Variants in DEFB116 observed in about 807,000 individuals in gnomAD.
DEFB116 encodes the protein beta-defensin 116.
In DEFB116, 5 loss-of-function variants were observed where a neutral mutation model predicts 2.8. The ratio of observed to expected loss-of-function variants is 1.80; its 90% CI spans 0.94 to 3.79. The LOEUF is 3.79. Among genes scored for constraint, DEFB116 ranks in the 30% most tolerant of loss-of-function variants. The pLI is 0.00. For missense variants in DEFB116, 170 were observed against 118.0 expected (o/e 1.44, Z -2.04); for synonymous variants, 56 against 40.8 (o/e 1.37, Z -1.42).
At chr20:31,306,098 A>C (rs2122449930) in intron 1 of DEFB116, among the ~76,000 whole-genome samples, 1 of 152,228 alleles carries the variant, frequency 6.6e-6, no homozygotes, top group Non-Finnish European at 1.5e-5. Context: ...ATTCCATCCC[A>C]AGCCAAAATC....
chr20:31,303,668 G>T (rs1474240453), intron 1 of DEFB116, among the ~76,000 whole-genome samples: 1 of 152,106 alleles, frequency 6.6e-6, no homozygotes, highest in African/African-American at 2.4e-5. Flanking sequence ...CTTCACAACA[G>T]GCAAAATAAT....
chr20:31,306,606 C>G (rs1224412463), intron 1 of DEFB116, among the ~76,000 whole-genome samples: 2 of 150,822 alleles, frequency 1.3e-5, no homozygotes, highest in Non-Finnish European at 3.0e-5. Context: ...GTCTCTTGAG[C>G]AAAGGAATAA....
chr20:31,303,648 A>C (rs533710633), intron 1 of DEFB116, among the ~76,000 whole-genome samples, 195 bp from the exon 2 acceptor site: 20 of 152,230 alleles, frequency 1.3e-4, no homozygotes, highest in African/African-American at 4.8e-4. Context: ...CCAGTCCTCC[A>C]TTGCATCATC....
intron 1 of DEFB116, among the ~76,000 whole-genome samples, chr20:31,304,678 T>A (rs563911460): frequency 6.6e-6 from 1 of 152,164 alleles, no homozygotes; most frequent in East Asian, 1.9e-4. Flanking sequence ...TCTACAGATT[T>A]CAACCGAGTT....
At chr20:31,305,950 A>C (rs548655087) in intron 1 of DEFB116, among the ~76,000 whole-genome samples, 5 of 152,098 alleles carry the variant, frequency 3.3e-5, no homozygotes, top group Non-Finnish European at 7.4e-5. Flanking sequence ...TTGCAGTGAA[A>C]GCCACGATTC....
rs555930773 is a variant in DEFB116 at position 31,303,281 on chromosome 20, A to T, written c.240T>A (p.Asn80Lys). The T allele has an allele frequency of 1.7e-4, 276 of 1,613,578 alleles. 1 individual carries two copies. In the South Asian group the frequency reaches 2.9e-3, roughly 17 times the overall value. Residue 80 changes from asparagine (N) to lysine (K), a missense_variant, in exon 2 of 2, where the codon AAT (asparagine) becomes AAA (lysine). Asn to Lys is a moderately conservative substitution (Grantham distance 94). Coordinates refer to ENST00000400549, the MANE Select transcript of DEFB116 (RefSeq NM_001037731.1). ...AGTTAGAGTCGTAATCCTCCTTCAC[A>T]TTTTTAGAACTGGTTATTTTCACAG... ...KLSVKITSSK[N>K]VKEDYDSNSN...
intron 1 of DEFB116, among the ~76,000 whole-genome samples, chr20:31,306,861 C>T (rs754568414): frequency 6.6e-6 from 1 of 152,104 alleles, no homozygotes; most frequent in Non-Finnish European, 1.5e-5. Context: ...CCAAACATTC[C>T]AGTCTCCTGA....
intron 1 of DEFB116, among the ~76,000 whole-genome samples, chr20:31,308,129 A>G (rs1985036302): frequency 1.3e-5 from 2 of 151,896 alleles, no homozygotes; most frequent in Admixed American, 1.3e-4. Context: ...ATATTACCCT[A>G]TCTCTAAGGT....
At position 31,308,566 on chromosome 20, in the gene DEFB116, C is replaced by T. The variant is rs1985050142; in HGVS notation, c.20G>A (p.Cys7Tyr). The stretch of plus-strand genomic sequence containing the variant: ...CATAAGGATGGCAATGGTCATTAAA[C>T]AGGGCTTCATGACTGACATGTTCCA... MSVMKP[C>Y]LMTIAILMIL... The change falls in exon 1 of 2, where the codon TGT becomes TAT. Residue 7 changes from cysteine to tyrosine, a missense_variant. Coordinates refer to ENST00000400549, the MANE Select transcript of DEFB116 (RefSeq NM_001037731.1). The T allele has an allele frequency of 1.2e-6, 2 of 1,613,522 alleles. No individual in the cohort carries two copies. Among genetic ancestry groups the T allele is most frequent in the Non-Finnish European group, 8.5e-7 (1 of 1,179,542 alleles).
At chr20:31,306,144 C>A (rs188800300) in intron 1 of DEFB116, among the ~76,000 whole-genome samples, 3 of 152,114 alleles carry the variant, frequency 2.0e-5, no homozygotes, top group African/African-American at 2.4e-5. Flanking sequence ...GCTGTGCAAC[C>A]AAACATGATC....
intron 1 of DEFB116, among the ~76,000 whole-genome samples, chr20:31,305,221 A>T (rs6121340): frequency 0.059 from 8,997 of 152,090 alleles, 566 homozygotes; most frequent in African/African-American, 0.16. Flanking sequence ...TCTCAGCACC[A>T]TTATACTTAT....
chr20:31,305,322 A>T lies in DEFB116; in HGVS notation c.68-1869T>A, dbSNP rs1245387978. On this transcript the variant is annotated intron_variant, in intron 1 of 1. Coordinates refer to ENST00000400549, the MANE Select transcript of DEFB116 (RefSeq NM_001037731.1). ...CTCTAGGACTTTTCCTTTCTACCAA[A>T]CACACTGGAGGGCAGTTGGAGACCC... Among the ~76,000 whole-genome samples the T allele has an allele frequency of 7.9e-5, 12 of 152,084 alleles. No individual in the cohort carries two copies. In the East Asian group the frequency reaches 2.3e-3, roughly 29 times the overall value.
intron 1 of DEFB116, among the ~76,000 whole-genome samples, chr20:31,305,068 T>TC (rs1361677279): frequency 6.6e-6 from 1 of 151,938 alleles, no homozygotes; most frequent in Non-Finnish European, 1.5e-5. Flanking sequence ...TTTCAACTGC[T>TC]CCAACATCAA....
At chr20:31,308,056 T>C (rs909667454) in intron 1 of DEFB116, among the ~76,000 whole-genome samples, 7 of 151,890 alleles carry the variant, frequency 4.6e-5, no homozygotes, top group African/African-American at 1.7e-4. Flanking sequence ...CACCAAAACA[T>C]CTATTCAGCC....
chr20:31,303,904 A>T (rs1258904111), intron 1 of DEFB116, among the ~76,000 whole-genome samples: 1 of 152,102 alleles, frequency 6.6e-6, no homozygotes, highest in African/African-American at 2.4e-5. Flanking sequence ...GGCAGCCAGG[A>T]TCTACTCTCA....
chr20:31,303,461 A>T lies in DEFB116; in HGVS notation c.68-8T>A. 1 of 1,612,650 alleles carries T rather than the reference A, an allele frequency of 6.2e-7. No homozygotes were observed. The highest frequency in any genetic ancestry group is 1.3e-5 in the African/African-American group (1 of 74,898). On this transcript the variant is annotated splice_polypyrimidine_tract_variant and splice_region_variant and intron_variant, in intron 1 of 1. Transcript: ENST00000400549. The stretch of plus-strand genomic sequence containing the variant: ...GGGATCTGAACAGGCCACCTGGGAA[A>T]GACATGGCCATGTTTAGTTTCCATG...
chr20:31,304,687 T>C (rs1007269288), intron 1 of DEFB116, among the ~76,000 whole-genome samples: 10 of 151,844 alleles, frequency 6.6e-5, no homozygotes, highest in Non-Finnish European at 1.2e-4. Context: ...TTCAACCGAG[T>C]TCAAAATCCT....
At position 31,308,576 on chromosome 20, in the gene DEFB116, T is replaced by A. The variant is rs370016029; in HGVS notation, c.10A>T (p.Met4Leu). Reference sequence around the variant, plus strand: ...GCAATGGTCATTAAACAGGGCTTCATGACTGACATGTTCCACCAGAATGAA... The same window carrying A: ...GCAATGGTCATTAAACAGGGCTTCAAGACTGACATGTTCCACCAGAATGAA... MSV[M>L]KPCLMTIAIL... The change falls in exon 1 of 2, where the codon ATG becomes TTG. Residue 4 changes from methionine (M) to leucine (L), a missense_variant. Transcript: ENST00000400549. The A allele has an allele frequency of 9.9e-6, 16 of 1,613,478 alleles. No individual in the cohort carries two copies. Among genetic ancestry groups the A allele is most frequent in the Non-Finnish European group, 1.4e-5 (16 of 1,179,476 alleles).
In DEFB116 at chr20:31,306,149, A is replaced by G. The variant is rs573631529; in HGVS notation, c.67+2370T>C. Among the ~76,000 whole-genome samples the G allele has an allele frequency of 3.9e-5, 6 of 152,244 alleles. No individual in the cohort carries two copies. In the South Asian group the frequency reaches 1.2e-3, roughly 32 times the overall value. ...TTCTCTGCCTGCTGTGCAACCAAAC[A>G]TGATCCTCTCCCATCCAATCTCTAA... is the stretch of plus-strand genomic sequence containing the variant. On this transcript the variant is annotated intron_variant, in intron 1 of 1. Coordinates refer to ENST00000400549, the MANE Select transcript of DEFB116 (RefSeq NM_001037731.1).
Sources: allele counts gnomAD v4.1 joint callset (sites outside exome capture counted in the v4.1 genomes callset), GRCh38; gene constraint gnomAD v4.1.1; transcripts MANE v1.5; gene names NCBI Gene and HGNC (gene_info 2026-07-23, HGNC 2026-07-21).